Variants in FHIT observed in about 807,000 individuals in gnomAD.
The protein encoded by FHIT is bis(5'-adenosyl)-triphosphatase.
FHIT carries 19 observed loss-of-function variants against 17.9 expected under a neutral mutation model. That is an observed-to-expected ratio of 1.06 (90% CI 0.74 to 1.56). The LOEUF is 1.56. Among genes scored for constraint, FHIT ranks in the 40% most tolerant of loss-of-function variants. The probability of loss-of-function intolerance (pLI) is 0.00; values close to 1 mark genes in which losing one functional copy is unlikely to be tolerated. For missense variants in FHIT, 248 were observed against 189.2 expected (o/e 1.31, Z -1.82); for synonymous variants, 81 against 69.7 (o/e 1.16, Z -0.81).
chr3:60,652,938 CAAAA>C (rs2040028385), intron 4 of FHIT, among the ~76,000 whole-genome samples: 2 of 150,334 alleles, frequency 1.3e-5, no homozygotes, highest in South Asian at 4.3e-4. Context: ...CAAAACAAAA[CAAAA>C]CAAAACAAAA....
intron 7 of FHIT, among the ~76,000 whole-genome samples, chr3:59,937,841 T>C (rs1326999403): frequency 1.3e-5 from 2 of 152,224 alleles, no homozygotes; most frequent in East Asian, 3.8e-4. Context: ...ACATATGCTT[T>C]GTTGCTTCTT....
At chr3:60,819,038 C>CTTTTT (rs1282544271) in intron 4 of FHIT, among the ~76,000 whole-genome samples, 1 of 102,184 alleles carries the variant, frequency 9.8e-6, no homozygotes, top group African/African-American at 3.2e-5. Flanking sequence ...TTTTTCTTTT[C>CTTTTT]TTTTTTTTTT....
At chr3:59,754,483 C>T (rs982900752) in intron 8 of FHIT, among the ~76,000 whole-genome samples, 2 of 151,952 alleles carry the variant, frequency 1.3e-5, no homozygotes, top group East Asian at 1.9e-4. Context: ...ACTACCTTGA[C>T]GTCTGTTATA....
chr3:60,747,592 A>G (rs1281012290), intron 4 of FHIT, among the ~76,000 whole-genome samples: 5 of 152,216 alleles, frequency 3.3e-5, no homozygotes, highest in African/African-American at 1.2e-4. Context: ...GGCAATATGA[A>G]AGAAAATAAA....
intron 5 of FHIT, among the ~76,000 whole-genome samples, chr3:60,308,496 G>A (rs1033766073): frequency 0.013 from 1,773 of 140,300 alleles, 27 homozygotes; most frequent in African/African-American, 0.033. Context: ...AGGTGTATGT[G>A]TATATATATA....
intron 9 of FHIT, chr3:59,751,211 A>C (rs1700878232): frequency 6.2e-6 from 1 of 160,326 alleles, no homozygotes; most frequent in Non-Finnish European, 1.3e-5. Context: ...TTATAAACAA[A>C]TTTCAGAGAG....
rs192301895 is a variant in FHIT at position 60,927,678 on chromosome 3, G to A, written c.-110-105667C>T. On this transcript the variant is annotated intron_variant, in intron 3 of 9. Transcript: ENST00000492590. ...AGTGTCTCTGCCTGGCCGCCACCCC[G>A]TCTGGGAGGTGGGGAGCACCCCCGC... Among the ~76,000 whole-genome samples the A allele has an allele frequency of 5.6e-3, 853 of 151,046 alleles. 11 individuals are homozygous for A. Among genetic ancestry groups the A allele is most frequent in the African/African-American group, 0.02 (822 of 41,026 alleles).
At chr3:61,191,882 A>G (rs1456118184) in intron 2 of FHIT, among the ~76,000 whole-genome samples, 3 of 152,102 alleles carry the variant, frequency 2.0e-5, no homozygotes, top group Non-Finnish European at 4.4e-5. Context: ...GGAAGCACCA[A>G]TCTAAGCCAC....
At chr3:60,510,099 A>G (rs1357052461) in intron 5 of FHIT, among the ~76,000 whole-genome samples, 2 of 152,222 alleles carry the variant, frequency 1.3e-5, no homozygotes, top group African/African-American at 4.8e-5. Context: ...TGTCAGCTTC[A>G]GTAGCAACAT....
intron 4 of FHIT, among the ~76,000 whole-genome samples, chr3:60,698,205 A>G (rs2041158094): frequency 6.6e-6 from 1 of 152,054 alleles, no homozygotes; most frequent in African/African-American, 2.4e-5. Flanking sequence ...TTCTCAATGC[A>G]AACTCTAAAT....
At chr3:60,705,801 C>G (rs868964218) in intron 4 of FHIT, among the ~76,000 whole-genome samples, 17 of 152,176 alleles carry the variant, frequency 1.1e-4, no homozygotes, top group African/African-American at 3.4e-4. Context: ...CACCCACCAT[C>G]TCTCCAGCTG....
intron 5 of FHIT, among the ~76,000 whole-genome samples, chr3:60,125,890 G>C (rs145447375): frequency 1.1e-3 from 168 of 152,224 alleles, no homozygotes; most frequent in Middle Eastern, 3.4e-3. Context: ...TATTCATTCA[G>C]AACAGTTTAT....
chr3:59,849,958 T>C (rs111658675), intron 8 of FHIT, among the ~76,000 whole-genome samples: 8,552 of 152,280 alleles, frequency 0.056, 312 homozygotes, highest in Non-Finnish European at 0.08. Context: ...TACACAACTA[T>C]ATGCACTAAC....
At chr3:61,082,014 C>T (rs977690192) in intron 2 of FHIT, among the ~76,000 whole-genome samples, 1 of 151,980 alleles carries the variant, frequency 6.6e-6, no homozygotes, top group African/African-American at 2.4e-5. Flanking sequence ...ACAATTGTCT[C>T]ACCTGGGTAA....
intron 5 of FHIT, among the ~76,000 whole-genome samples, chr3:60,088,370 T>G (rs554088631): frequency 6.6e-6 from 1 of 152,310 alleles, no homozygotes; most frequent in Non-Finnish European, 1.5e-5. Context: ...TATTTAAATG[T>G]TAGTCAGGAG....
intron 4 of FHIT, among the ~76,000 whole-genome samples, chr3:60,717,120 G>C (rs9831418): frequency 0.97 from 147,771 of 152,280 alleles, 71,754 homozygotes; most frequent in East Asian, 1. Flanking sequence ...GGTAGTAGAA[G>C]GTTGGTTGCC....
chr3:60,757,924 C>T (rs782325468), intron 4 of FHIT, among the ~76,000 whole-genome samples: 1 of 152,184 alleles, frequency 6.6e-6, no homozygotes, highest in Non-Finnish European at 1.5e-5. Flanking sequence ...TGCCATTACC[C>T]TCTGGATCTG....
In FHIT at chr3:59,999,041, T is replaced by G. The variant is rs184254339; in HGVS notation, c.279+12330A>C. On this transcript the variant is annotated intron_variant, in intron 7 of 9. Coordinates refer to ENST00000492590, the MANE Select transcript of FHIT (RefSeq NM_002012.4). ...TGCTAATGTGGCCACAGTAATTGTT[T>G]TGAGCCATATTTATGATTTTATTGG... is the stretch of plus-strand genomic sequence containing the variant. 1.2e-4 allele frequency among the ~76,000 whole-genome samples: 18 copies of G among 152,256 alleles called. 1 individual carries two copies. The East Asian group carries it at 3.5e-3, about 29-fold the overall frequency.
At chr3:60,732,516 C>T (rs1205742913) in intron 4 of FHIT, 11 of 664,046 alleles carry the variant, frequency 1.7e-5, no homozygotes, top group Admixed American at 1.4e-4. Context: ...TTCTTTCCAG[C>T]GCTCAGAGCA....
Sources: allele counts gnomAD v4.1 joint callset (sites outside exome capture counted in the v4.1 genomes callset), GRCh38; gene constraint gnomAD v4.1.1; transcripts MANE v1.5; gene names NCBI Gene and HGNC (gene_info 2026-07-23, HGNC 2026-07-21).